The following KCNN3 variants were observed in gnomAD, a reference collection of about 807,000 sequenced individuals.
KCNN3 encodes potassium calcium-activated channel subfamily N member 3, also known as small conductance calcium-activated potassium channel protein 3.
In KCNN3, 16 loss-of-function variants were observed where a neutral mutation model predicts 62.9. The ratio of observed to expected loss-of-function variants is 0.25; its 90% CI spans 0.17 to 0.39. The LOEUF (loss-of-function observed/expected upper bound fraction) is 0.39. KCNN3 is among the 10% of genes least tolerant of loss of function. The pLI is 1.00. For synonymous variants in KCNN3, 370 were observed against 389.2 expected (o/e 0.95, Z 0.58); for missense variants, 599 against 949.4 (o/e 0.63, Z 4.85).
chr1:154,822,557 T>C (rs56744813), intron 1 of KCNN3, among the ~76,000 whole-genome samples: 14,173 of 152,318 alleles, frequency 0.093, 1,210 homozygotes, highest in East Asian at 0.36. Context: ...TCATTCTTTG[T>C]TGTGCCGCTA....
intron 3 of KCNN3, among the ~76,000 whole-genome samples, chr1:154,760,524 A>G (rs10908436): frequency 0.62 from 94,649 of 151,642 alleles, 29,843 homozygotes; most frequent in Middle Eastern, 0.75. Context: ...CAGCGAGAGG[A>G]AACCTGAACG....
chr1:154,731,806 C>T (rs1038184241), intron 4 of KCNN3, among the ~76,000 whole-genome samples: 3 of 152,206 alleles, frequency 2.0e-5, no homozygotes, highest in African/African-American at 7.2e-5. Context: ...ACACCACAAG[C>T]AGCCTGACCA....
intron 1 of KCNN3, among the ~76,000 whole-genome samples, chr1:154,858,004 A>T (rs1652606414): frequency 6.6e-6 from 1 of 152,090 alleles, no homozygotes; most frequent in African/African-American, 2.4e-5. Context: ...CCACCAGGAA[A>T]CCCTCATGAC....
intron 3 of KCNN3, among the ~76,000 whole-genome samples, chr1:154,742,777 C>T (rs1034567946): frequency 6.6e-6 from 1 of 152,208 alleles, no homozygotes; most frequent in Non-Finnish European, 1.5e-5. Context: ...TGTGCACGGG[C>T]TCCATCAGCC....
At chr1:154,762,794 C>T (rs768980584) in intron 3 of KCNN3, among the ~76,000 whole-genome samples, 2 of 152,192 alleles carry the variant, frequency 1.3e-5, no homozygotes, top group Non-Finnish European at 2.9e-5. Flanking sequence ...TCTTCTTTTA[C>T]ATCTGACTTT....
At chr1:154,855,280 G>A (rs916004354) in intron 1 of KCNN3, among the ~76,000 whole-genome samples, 1 of 151,978 alleles carries the variant, frequency 6.6e-6, no homozygotes, top group Non-Finnish European at 1.5e-5. Context: ...ACTTGTTATT[G>A]AAGAAAAAAA....
intron 2 of KCNN3, among the ~76,000 whole-genome samples, chr1:154,812,297 T>C (rs1650439420): frequency 1.3e-5 from 2 of 152,292 alleles, no homozygotes; most frequent in Non-Finnish European, 2.9e-5. Flanking sequence ...TTAGGGTACA[T>C]GTGCACAACG....
At chr1:154,748,086 A>C (rs1034090640) in intron 3 of KCNN3, among the ~76,000 whole-genome samples, 2 of 152,338 alleles carry the variant, frequency 1.3e-5, no homozygotes, top group Middle Eastern at 3.4e-3. Flanking sequence ...GGTGCTGAGA[A>C]AGCTGGTCAG....
intron 5 of KCNN3, among the ~76,000 whole-genome samples, chr1:154,715,235 C>T (rs1015380124): frequency 2.6e-5 from 4 of 151,910 alleles, no homozygotes; most frequent in Non-Finnish European, 4.4e-5. Flanking sequence ...GTCAGGAGTT[C>T]GAGACCAGCC....
At chr1:154,868,002 C>A in intron 1 of KCNN3, 4 of 985,456 alleles carry the variant, frequency 4.1e-6, no homozygotes, top group Non-Finnish European at 4.8e-6. Context: ...CGTCTTGGGG[C>A]TGGACTGAGA....
chr1:154,735,478 A>G (rs1448050503), intron 3 of KCNN3, among the ~76,000 whole-genome samples: 1 of 152,082 alleles, frequency 6.6e-6, no homozygotes, highest in Non-Finnish European at 1.5e-5. Flanking sequence ...TGCCCACTCC[A>G]TCTGCTATAC....
At chr1:154,714,272 G>GGTGTGTGTGGTGTGTCTGGT (rs1553226952) in intron 6 of KCNN3, among the ~76,000 whole-genome samples, 563 of 50,242 alleles carry the variant, frequency 0.011, no homozygotes, top group Middle Eastern at 0.062. Context: ...TGTGGTATGT[G>GGTGTGTGTGGTGTGTCTGGT]GTGTGTGTGG....
In KCNN3 at chr1:154,814,278, C is replaced by CATTT. The variant is rs112971749; in HGVS notation, c.1029+7807_1029+7810dup. On this transcript the variant is annotated intron_variant, in intron 2 of 7. Coordinates refer to ENST00000271915, the MANE Select transcript of KCNN3 (RefSeq NM_002249.6). ...ACCCCAGTTTTGTCATTCATTCATT[C>CATTT]ATTTATTCAGCCTACACTCATTGAA... Among the ~76,000 whole-genome samples, 724 of 152,350 alleles carry CATTT rather than the reference C, an allele frequency of 4.8e-3. 11 individuals are homozygous for CATTT. Among genetic ancestry groups the CATTT allele is most frequent in the African/African-American group, 0.017 (688 of 41,572 alleles).
At chr1:154,758,527 G>A (rs1436935213) in intron 3 of KCNN3, among the ~76,000 whole-genome samples, 2 of 152,204 alleles carry the variant, frequency 1.3e-5, no homozygotes, top group Admixed American at 6.5e-5. Context: ...GCTCCCAGGC[G>A]CCTTTTGGGA....
chr1:154,814,463 G>A (rs541714884), intron 2 of KCNN3, among the ~76,000 whole-genome samples: 3 of 152,264 alleles, frequency 2.0e-5, no homozygotes, highest in African/African-American at 2.4e-5. Flanking sequence ...AGTAAGAGCC[G>A]CTGCTATAAG....
chr1:154,854,063 G>A (rs879416701), intron 1 of KCNN3, among the ~76,000 whole-genome samples: 20 of 151,766 alleles, frequency 1.3e-4, no homozygotes, highest in Non-Finnish European at 2.1e-4. Context: ...GTGAAACCCC[G>A]TCTCTACTAA....
rs1270259272 is a variant in KCNN3 at position 154,759,974 on chromosome 1, C to T, written c.1448+12001G>A. 7.2e-5 allele frequency among the ~76,000 whole-genome samples: 11 copies of T among 151,828 alleles called. No individual in the cohort carries two copies. The East Asian group carries it at 1.7e-3, about 24-fold the overall frequency. On this transcript the variant is annotated intron_variant, in intron 3 of 7. Transcript: ENST00000271915. ...ACCAGTTTCTTTTTTATTTTATTTT[C>T]TCTCTCTCTCCCACTTTCTTTCTCC...
chr1:154,845,021 G>A (rs1571332276), intron 1 of KCNN3, among the ~76,000 whole-genome samples: 4 of 103,570 alleles, frequency 3.9e-5, no homozygotes, highest in South Asian at 6.7e-4. Context: ...ACAAAAAAAA[G>A]AGAGAGAAAA....
At chr1:154,848,699 C>T (rs1571336058) in intron 1 of KCNN3, among the ~76,000 whole-genome samples, 1 of 152,204 alleles carries the variant, frequency 6.6e-6, no homozygotes, top group African/African-American at 2.4e-5. Context: ...ACTGTTGCCT[C>T]GGCTCAGAAC....
Sources: allele counts gnomAD v4.1 joint callset (sites outside exome capture counted in the v4.1 genomes callset), GRCh38; gene constraint gnomAD v4.1.1; transcripts MANE v1.5; gene names NCBI Gene and HGNC (gene_info 2026-07-23, HGNC 2026-07-21).